Variants in JAZF1 observed in about 807,000 individuals in gnomAD.
JAZF1 encodes juxtaposed with another zinc finger protein 1.
JAZF1 carries 8 observed loss-of-function variants against 26.4 expected under a neutral mutation model. The ratio of observed to expected loss-of-function variants is 0.30; its 90% CI spans 0.18 to 0.55. The LOEUF (loss-of-function observed/expected upper bound fraction) is 0.55. JAZF1 is among the 20% of genes least tolerant of loss of function. The probability of loss-of-function intolerance (pLI) is 0.94; values close to 1 mark genes in which losing one functional copy is unlikely to be tolerated. For missense variants in JAZF1, 199 were observed against 322.0 expected (o/e 0.62, Z 2.92); for synonymous variants, 126 against 122.3 (o/e 1.03, Z -0.20).
chr7:28,170,317 GAAGT>G (rs1014051861), intron 1 of JAZF1, among the ~76,000 whole-genome samples: 8 of 149,694 alleles, frequency 5.3e-5, no homozygotes, highest in Admixed American at 2.7e-4. Context: ...TTGGAAATCT[GAAGT>G]AAAAGAGAAG....
intron 1 of JAZF1, among the ~76,000 whole-genome samples, chr7:28,035,208 T>G (rs1783265193): frequency 6.8e-6 from 1 of 147,734 alleles, no homozygotes; most frequent in South Asian, 2.2e-4. Flanking sequence ...TCCCAGCTAC[T>G]TGGGAGGCTG....
At chr7:27,869,418 T>C (rs735664) in intron 3 of JAZF1, among the ~76,000 whole-genome samples, 70,780 of 151,976 alleles carry the variant, frequency 0.47, 16,648 homozygotes, top group Middle Eastern at 0.59. Flanking sequence ...GTAATAAATG[T>C]GGACAGACTA....
At chr7:27,941,497 A>T (rs1309659151) in intron 2 of JAZF1, among the ~76,000 whole-genome samples, 1 of 152,212 alleles carries the variant, frequency 6.6e-6, no homozygotes, top group East Asian at 1.9e-4. Flanking sequence ...TTAAAAATGC[A>T]ACCCTGAGTG....
intron 3 of JAZF1, among the ~76,000 whole-genome samples, chr7:27,875,185 G>A (rs1783654684): frequency 6.6e-6 from 1 of 152,132 alleles, no homozygotes; most frequent in Non-Finnish European, 1.5e-5. Flanking sequence ...CCACTCGGCT[G>A]CCTGGGAGTC....
intron 2 of JAZF1, among the ~76,000 whole-genome samples, chr7:27,906,505 C>T: frequency 6.6e-6 from 1 of 152,176 alleles, no homozygotes; most frequent in Non-Finnish European, 1.5e-5. Context: ...TGTATATTTT[C>T]TTCACAACTA....
At chr7:27,935,912 A>G (rs1784757686) in intron 2 of JAZF1, among the ~76,000 whole-genome samples, 1 of 152,138 alleles carries the variant, frequency 6.6e-6, no homozygotes, top group South Asian at 2.1e-4. Context: ...GGGTCGCCCA[A>G]AGTTCCATGC....
At chr7:28,162,913 G>C (rs1783314719) in intron 1 of JAZF1, among the ~76,000 whole-genome samples, 1 of 152,232 alleles carries the variant, frequency 6.6e-6, no homozygotes, top group Admixed American at 6.5e-5. Flanking sequence ...CTTCATGGTA[G>C]AGGAAACATC....
At chr7:28,122,257 C>T (rs891608075) in intron 1 of JAZF1, among the ~76,000 whole-genome samples, 12 of 152,146 alleles carry the variant, frequency 7.9e-5, no homozygotes, top group African/African-American at 2.7e-4. Flanking sequence ...TTCTCTAATG[C>T]GCTCCCAAAC....
intron 2 of JAZF1, among the ~76,000 whole-genome samples, chr7:27,974,364 G>T (rs1422387166): frequency 6.6e-6 from 1 of 152,152 alleles, no homozygotes; most frequent in Non-Finnish European, 1.5e-5. Flanking sequence ...AGAAGAACCA[G>T]GACAGAACAA....
rs1041314819 is a variant in JAZF1, at chr7:27,832,511, C to G, written c.*289G>C. On this transcript the variant is annotated 3_prime_UTR_variant, in exon 5 of 5. Coordinates refer to ENST00000283928, the MANE Select transcript of JAZF1 (RefSeq NM_175061.4). The stretch of plus-strand genomic sequence containing the variant: ...TACAATTCAACAATATGCAACATGC[C>G]CTCAATTTTATTTTGTTTTGGGGGA... 2 of 263,330 alleles carry G rather than the reference C, an allele frequency of 7.6e-6. No individual in the cohort carries two copies. The highest frequency in any genetic ancestry group is 1.5e-5 in the Non-Finnish European group (2 of 137,798). 16.3% of individuals were successfully genotyped at this position (263,330 alleles called of 1,614,324 possible).
intron 1 of JAZF1, among the ~76,000 whole-genome samples, chr7:28,013,551 C>G (rs1782834160): frequency 6.6e-6 from 1 of 151,918 alleles, no homozygotes. Flanking sequence ...TTACAAGCTC[C>G]CAGGTGACGA....
At chr7:28,148,349 G>A (rs1207556434) in intron 1 of JAZF1, among the ~76,000 whole-genome samples, 1 of 152,112 alleles carries the variant, frequency 6.6e-6, no homozygotes, top group Non-Finnish European at 1.5e-5. Context: ...GGGATTATAG[G>A]CGTGAGCCAC....
chr7:28,089,709 A>C (rs2127920855), intron 1 of JAZF1, among the ~76,000 whole-genome samples: 1 of 152,376 alleles, frequency 6.6e-6, no homozygotes, highest in East Asian at 1.9e-4. Flanking sequence ...GGTCCAATGA[A>C]GGCTCAGACA....
Position 27,870,846 on chromosome 7 carries a change from C to G in JAZF1, c.385+24374G>C, listed in dbSNP as rs111441799. Among the ~76,000 whole-genome samples, 8 of 152,312 alleles carry G rather than the reference C, an allele frequency of 5.3e-5. 1 individual carries two copies. The highest frequency in any genetic ancestry group is 1.9e-4 in the African/African-American group (8 of 41,582). On this transcript the variant is annotated intron_variant, in intron 3 of 4. Transcript: ENST00000283928. The stretch of plus-strand genomic sequence containing the variant: ...ATTCTCAGGCATACACCAGCGCACG[C>G]ATCCAGTACTCTGTGATTGTGTCCA...
At chr7:28,131,416 CA>C (rs1248369336) in intron 1 of JAZF1, among the ~76,000 whole-genome samples, 1 of 152,112 alleles carries the variant, frequency 6.6e-6, no homozygotes, top group African/African-American at 2.4e-5. Context: ...AATCCCTTTC[CA>C]AAACACTTTT....
At chr7:28,095,341 A>G (rs1418099907) in intron 1 of JAZF1, among the ~76,000 whole-genome samples, 2 of 152,150 alleles carry the variant, frequency 1.3e-5, no homozygotes, top group African/African-American at 2.4e-5. Flanking sequence ...AGGCCTCAGG[A>G]AACTTACGAT....
At chr7:27,835,373 A>G (rs999083763) in intron 4 of JAZF1, among the ~76,000 whole-genome samples, 2 of 152,198 alleles carry the variant, frequency 1.3e-5, no homozygotes, top group Non-Finnish European at 2.9e-5. Flanking sequence ...GTCGTTCACC[A>G]AGAGAAGGAC....
At position 27,840,749 on chromosome 7, in the gene JAZF1, C is replaced by A; in HGVS notation, c.504G>T (p.Gly168=). ...CTGGGCAGGCAAAAGGCTTCTCTTC[C>A]CCTCCATTCATGCACATGGAGCTGA... ...AILSSMCMNG[G]EEKPFACPVP... Residue 168 remains glycine, a synonymous_variant, in exon 4 of 5, where the codon GGG becomes GGT. Transcript: ENST00000283928. This position sits in a 1 kb window ranked among gnomAD's most constrained non-coding sequence, Gnocchi z 5.1. The A allele has an allele frequency of 6.2e-7, 1 of 1,614,202 alleles. No homozygotes were observed. The highest frequency in any genetic ancestry group is 8.5e-7 in the Non-Finnish European group (1 of 1,180,038).
chr7:28,031,210 C>G (rs1199037432), intron 1 of JAZF1, among the ~76,000 whole-genome samples: 1 of 152,088 alleles, frequency 6.6e-6, no homozygotes, highest in African/African-American at 2.4e-5. Flanking sequence ...AGAAGTCACC[C>G]TTAGGTCTTT....
Sources: allele counts gnomAD v4.1 joint callset (sites outside exome capture counted in the v4.1 genomes callset), GRCh38; gene constraint gnomAD v4.1.1; non-coding constraint Gnocchi (gnomAD v3.1); transcripts MANE v1.5; gene names NCBI Gene and HGNC (gene_info 2026-07-23, HGNC 2026-07-21).